Variants in PABPC1L observed in about 807,000 individuals in gnomAD.
PABPC1L encodes the protein polyadenylate-binding protein 1-like.
Under a neutral mutation model 66.6 loss-of-function variants are expected in PABPC1L, and 31 were observed. The ratio of observed to expected loss-of-function variants is 0.47; its 90% CI spans 0.35 to 0.63. PABPC1L has a LOEUF of 0.63. Ranked by LOEUF, PABPC1L falls within the 20% of genes least tolerant of loss-of-function variation. PABPC1L has a pLI of 0.00. For synonymous variants in PABPC1L, 348 were observed against 335.1 expected, an observed-to-expected ratio of 1.04 and a Z score of -0.42; for missense variants, 722 against 848.8, an observed-to-expected ratio of 0.85 and a Z score of 1.86.
chr20:44,935,357 T>C (rs1370696422), intron 10 of PABPC1L, 34 bp from the exon 11 acceptor site: 1 of 1,552,814 alleles, frequency 6.4e-7, no homozygotes, highest in Non-Finnish European at 8.9e-7. Context: ...ATTTGAACTC[T>C]GCTTTTTTTG....
chr20:44,920,333 C>A (rs1301327646), intron 5 of PABPC1L, among the ~76,000 whole-genome samples: 1 of 152,190 alleles, frequency 6.6e-6, no homozygotes, highest in Non-Finnish European at 1.5e-5. Flanking sequence ...TAACCCCTGG[C>A]AACCAATGAT....
intron 2 of PABPC1L, among the ~76,000 whole-genome samples, chr20:44,913,253 T>C (rs1474753189): frequency 6.6e-6 from 1 of 152,200 alleles, no homozygotes; most frequent in African/African-American, 2.4e-5. Context: ...AGCTGGAACA[T>C]CTTGGCTTTC....
chr20:44,915,921 G>A (rs1379536486), intron 2 of PABPC1L, among the ~76,000 whole-genome samples: 1 of 152,032 alleles, frequency 6.6e-6, no homozygotes, highest in East Asian at 1.9e-4. Context: ...TTCAGCCCTA[G>A]TCCCCAAAAG....
chr20:44,914,457 C>T (rs1050082432), intron 2 of PABPC1L, among the ~76,000 whole-genome samples: 3 of 152,302 alleles, frequency 2.0e-5, no homozygotes, highest in African/African-American at 7.2e-5. Flanking sequence ...ATCCGCCCGC[C>T]TCAGTCTCCC....
chr20:44,911,042 A>G (rs1379287989), intron 1 of PABPC1L, among the ~76,000 whole-genome samples: 1 of 152,230 alleles, frequency 6.6e-6, no homozygotes, highest in African/African-American at 2.4e-5. Flanking sequence ...GCTAAGGCGT[A>G]TTCTCCAATA....
intron 12 of PABPC1L, 137 bp from the exon 13 acceptor site, chr20:44,937,924 T>C: frequency 1.8e-6 from 2 of 1,140,844 alleles, no homozygotes; most frequent in Middle Eastern, 2.2e-4. Flanking sequence ...GAAGATCAAG[T>C]GTTAAATGTC....
intron 7 of PABPC1L, among the ~76,000 whole-genome samples, chr20:44,928,538 C>G (rs2066826282): frequency 6.6e-6 from 1 of 151,904 alleles, no homozygotes; most frequent in African/African-American, 2.4e-5. Context: ...TGCAATTTCC[C>G]CCTAAATTGT....
intron 1 of PABPC1L, among the ~76,000 whole-genome samples, chr20:44,911,309 CA>C (rs757303274): frequency 7.2e-5 from 11 of 152,058 alleles, no homozygotes; most frequent in African/African-American, 2.2e-4. Flanking sequence ...ACTAAAAATA[CA>C]AAAAATAGCT....
chr20:44,934,807 C>T (rs1448882528), intron 10 of PABPC1L, among the ~76,000 whole-genome samples: 2 of 152,258 alleles, frequency 1.3e-5, no homozygotes, highest in Middle Eastern at 6.8e-3. Context: ...TGATGGCTTA[C>T]GCCTGTAATC....
At chr20:44,934,248 C>T (rs1024495437) in intron 10 of PABPC1L, among the ~76,000 whole-genome samples, 2 of 152,210 alleles carry the variant, frequency 1.3e-5, no homozygotes, top group Admixed American at 1.3e-4. Context: ...TCTGCGTGAA[C>T]GAGGTATACT....
In PABPC1L at chr20:44,912,794, A is replaced by C; in HGVS notation, c.328A>C (p.Ile110Leu). Residue 110 changes from isoleucine to leucine, a missense_variant, in exon 2 of 15, where the codon ATT becomes CTT. Around this residue, in one of 3 missense-constraint regions of PABPC1L, gnomAD observed 284 missense variants for 294.8 expected, o/e 0.96. Transcript: ENST00000217073. ...NIFIKNLEDS[I>L]DNKALYDTFS... ...CTTCATCAAGAACCTGGAGGACTCC[A>C]TTGACAACAAGGCTTTATATGATAC... 6.2e-7 allele frequency: 1 copy of C among 1,614,206 alleles called. No individual in the cohort carries two copies. Among genetic ancestry groups the C allele is most frequent in the Non-Finnish European group, 8.5e-7 (1 of 1,180,030 alleles).
intron 5 of PABPC1L, among the ~76,000 whole-genome samples, chr20:44,920,686 A>T (rs1473570301): frequency 9.2e-5 from 13 of 141,638 alleles, no homozygotes; most frequent in East Asian, 6.6e-4. Context: ...CCAGGCTGGT[A>T]TCGAACTCGT....
At chr20:44,930,403 C>A (rs2066842910) in intron 7 of PABPC1L, 57 bp from the exon 8 acceptor site, 9 of 1,567,226 alleles carry the variant, frequency 5.7e-6, no homozygotes, top group Non-Finnish European at 7.8e-6. Flanking sequence ...GGAGGCAGCG[C>A]AGCCCCAGGA....
At chr20:44,933,723 G>T (rs1473646364) in intron 10 of PABPC1L, among the ~76,000 whole-genome samples, 1 of 149,590 alleles carries the variant, frequency 6.7e-6, no homozygotes, top group Non-Finnish European at 1.5e-5. Flanking sequence ...GAGATTACAG[G>T]CATGAGCCAC....
chr20:44,916,448 A>AT (rs2066738334), intron 2 of PABPC1L, among the ~76,000 whole-genome samples: 1 of 152,006 alleles, frequency 6.6e-6, no homozygotes, highest in Non-Finnish European at 1.5e-5. Context: ...AATTTTTTGT[A>AT]TTTTTAATAG....
intron 2 of PABPC1L, among the ~76,000 whole-genome samples, chr20:44,913,287 A>T (rs1212593522): frequency 1.3e-5 from 2 of 152,158 alleles, no homozygotes; most frequent in Non-Finnish European, 2.9e-5. Flanking sequence ...TTTGTCCTCC[A>T]GTAGGCTAGT....
intron 14 of PABPC1L, 149 bp from the exon 15 acceptor site, chr20:44,938,977 T>C: frequency 3.0e-6 from 2 of 665,776 alleles, no homozygotes; most frequent in Non-Finnish European, 5.5e-6. Flanking sequence ...CTGCCTGGCT[T>C]CATGCAGAAT....
rs115819942 is a variant in PABPC1L at position 44,932,596 on chromosome 20, G to A, written c.1330+164G>A. ...TTCTGAGCATGGGCCTGAATGAGAC[G>A]TGTGTAAAGTACCAAGCACAGTGGT... On this transcript the variant is annotated intron_variant, in intron 9 of 14. Coordinates refer to ENST00000217073, the MANE Select transcript of PABPC1L (RefSeq NM_001372179.1). 1.1e-3 allele frequency: 624 copies of A among 588,440 alleles called. 2 individuals are homozygous for A. The highest frequency in any genetic ancestry group is 0.01 in the African/African-American group (562 of 53,526). The allele number at this position is 588,440 out of a possible 1,614,324, so 36.5% of individuals were successfully genotyped here.
chr20:44,912,656 C>T lies in PABPC1L; in HGVS notation c.194-4C>T. Reference sequence around the variant, plus strand: ...CTAATTTCTCTCCTCTTCCTTCTGTCCAGCGGAGCGGGCACTGGACACAAT... The same window carrying T: ...CTAATTTCTCTCCTCTTCCTTCTGTTCAGCGGAGCGGGCACTGGACACAAT... On this transcript the variant is annotated splice_region_variant and splice_polypyrimidine_tract_variant and intron_variant, in intron 1 of 14. Transcript: ENST00000217073. The T allele has an allele frequency of 1.2e-6, 2 of 1,605,404 alleles. No individual in the cohort carries two copies. Among genetic ancestry groups the T allele is most frequent in the Non-Finnish European group, 1.7e-6 (2 of 1,173,338 alleles).
Sources: gnomAD v4.1 joint callset for allele counts (sites outside exome capture counted in the v4.1 genomes callset) on GRCh38, gnomAD v4.1.1 for gene constraint, gnomAD v4.1.1 regional missense constraint, MANE v1.5 for transcripts, NCBI Gene and HGNC (gene_info 2026-07-23, HGNC 2026-07-21) for gene names.